HECTD4: variants seen among roughly 807,000 people sequenced by gnomAD.
HECTD4 encodes HECT domain E3 ubiquitin protein ligase 4.
A neutral mutation model predicts 471.5 loss-of-function variants in HECTD4; 114 were observed. That is an observed-to-expected ratio of 0.24 (90% CI 0.21 to 0.28). HECTD4 has a LOEUF of 0.28. HECTD4 is among the 10% of genes least tolerant of loss of function. HECTD4 has a pLI of 1.00. For synonymous variants in HECTD4, 2,012 were observed against 2,256.0 expected, an observed-to-expected ratio of 0.89 and a Z score of 3.07; for missense variants, 3,866 against 5,651.5, an observed-to-expected ratio of 0.68 and a Z score of 10.13.
In HECTD4 at chr12:112,264,190, T is replaced by C. The variant is rs763445802; in HGVS notation, c.2642A>G (p.Tyr881Cys). 1.5e-5 allele frequency: 24 copies of C among 1,602,554 alleles called. No individual in the cohort carries two copies. Among genetic ancestry groups the C allele is most frequent in the Non-Finnish European group, 2.0e-5 (24 of 1,174,254 alleles). Residue 881 changes from tyrosine to cysteine, a missense_variant, in exon 17 of 76, where the codon TAT becomes TGT. Physicochemically the swap from Tyr to Cys is radical, Grantham distance 194. This residue lies in a region of HECTD4 where 525 missense variants were observed against 672.6 expected (regional missense o/e 0.78). Coordinates refer to ENST00000682272, the MANE Select transcript of HECTD4 (RefSeq NM_001388303.1). ...TVPAASSCLR[Y>C]LMAVQNHLLS... ...AAGGTGATTCTGAACTGCCATCAGA[T>C]AGCGCAGGCAGGAGGATGCAGCCTT... is the stretch of plus-strand genomic sequence containing the variant.
Position 112,163,554 on chromosome 12 carries a change from G to T in HECTD4, c.12885C>A (p.Leu4295=). 1 of 1,472,540 alleles carries T rather than the reference G, an allele frequency of 6.8e-7. No individual in the cohort carries two copies. The highest frequency in any genetic ancestry group is 9.0e-7 in the Non-Finnish European group (1 of 1,109,416). The allele number at this position is 1,472,540 out of a possible 1,614,324, so 91.2% of individuals were successfully genotyped here. Residue 4295 remains leucine, a synonymous_variant, in exon 74 of 76, where the codon CTC becomes CTA. Transcript: ENST00000682272. The surrounding 1 kb of genome is among the most constrained non-coding windows in gnomAD (Gnocchi z 8.2). ...CTGGGATGTCTACCTTGAGGAACTC[G>T]AGGTTGATGTAGGGGAGGCCGCAGG... ...LRTCGLPYIN[L]EFLKAHTMYQ... is the part of the protein sequence containing the mutation.
At chr12:112,177,681 A>G (rs1388468655) in intron 64 of HECTD4, among the ~76,000 whole-genome samples, 2 of 152,202 alleles carry the variant, frequency 1.3e-5, no homozygotes, top group Non-Finnish European at 1.5e-5. Flanking sequence ...CGCCCGGCCT[A>G]TGAGGCTATT....
At chr12:112,306,614 G>T (rs955503842) in intron 6 of HECTD4, among the ~76,000 whole-genome samples, 12 of 152,080 alleles carry the variant, frequency 7.9e-5, no homozygotes, top group Non-Finnish European at 1.8e-4. Flanking sequence ...TTTAGTAAAT[G>T]AATTTATGAT....
chr12:112,237,545 C>G (rs1016690004), intron 34 of HECTD4, among the ~76,000 whole-genome samples: 7 of 151,928 alleles, frequency 4.6e-5, no homozygotes, highest in Admixed American at 3.9e-4. Flanking sequence ...TCTTTTAGAT[C>G]GCTGAGTCTA....
At chr12:112,349,106 A>C (rs960512357) in intron 1 of HECTD4, among the ~76,000 whole-genome samples, 2 of 152,172 alleles carry the variant, frequency 1.3e-5, no homozygotes, top group African/African-American at 4.8e-5. Flanking sequence ...TATTATGCAT[A>C]AAGAGGCCAG....
chr12:112,183,085 T>C lies in HECTD4; in HGVS notation c.10961A>G (p.Asp3654Gly), dbSNP rs771738695. The change falls in exon 62 of 76, where the codon GAT becomes GGT. Residue 3654 changes from aspartate (D) to glycine (G), a missense_variant. Asp to Gly is a moderately conservative substitution (Grantham distance 94). Around this residue, in one of 16 missense-constraint regions of HECTD4, gnomAD observed 715 missense variants for 1,087.6 expected, o/e 0.66. Coordinates refer to ENST00000682272, the MANE Select transcript of HECTD4 (RefSeq NM_001388303.1). ...TTTAATTGACTTATCATTGAAATAATCTTCTAACCCTGGGCTCCCTTGAGT... is the reference window on the plus strand; with the variant it reads ...TTTAATTGACTTATCATTGAAATAACCTTCTAACCCTGGGCTCCCTTGAGT... ...FDTQGSPGLE[D>G]YFNDKSIKGE... 2 of 1,613,374 alleles carry C rather than the reference T, an allele frequency of 1.2e-6. No homozygotes were observed. The highest frequency in any genetic ancestry group is 1.7e-6 in the Non-Finnish European group (2 of 1,179,402).
At chr12:112,244,866 T>C (rs753010236) in intron 29 of HECTD4, among the ~76,000 whole-genome samples, 21 of 152,132 alleles carry the variant, frequency 1.4e-4, no homozygotes, top group Non-Finnish European at 2.8e-4. Flanking sequence ...TCCTTAACCC[T>C]ATCCAGGGAA....
Position 112,217,209 on chromosome 12 carries a change from A to T in HECTD4, c.7075-14T>A. On this transcript the variant is annotated splice_polypyrimidine_tract_variant and intron_variant, in intron 45 of 75. Coordinates refer to ENST00000682272, the MANE Select transcript of HECTD4 (RefSeq NM_001388303.1). The stretch of plus-strand genomic sequence containing the variant: ...AATCTCTTTGGGCTGCATCAGGGAG[A>T]AAAACCCATATTCAGTAGAACTGCA... 6.7e-7 allele frequency: 1 copy of T among 1,494,356 alleles called. No individual in the cohort carries two copies. Among genetic ancestry groups the T allele is most frequent in the Non-Finnish European group, 8.9e-7 (1 of 1,121,564 alleles). 92.6% of individuals were successfully genotyped at this position (1,494,356 alleles called of 1,614,324 possible).
At position 112,179,714 on chromosome 12, in the gene HECTD4, C is replaced by T. The variant is rs1031945075; in HGVS notation, c.10988-317G>A. On this transcript the variant is annotated intron_variant, in intron 62 of 75. Coordinates refer to ENST00000682272, the MANE Select transcript of HECTD4 (RefSeq NM_001388303.1). This position sits in a 1 kb window ranked among gnomAD's most constrained non-coding sequence, Gnocchi z 4.3. ...AGGCCCCTCCCCGAGGGTGGGCACA[C>T]CTCAGTGCTCACCCTCACTCTTATA... 1.8e-4 allele frequency among the ~76,000 whole-genome samples: 28 copies of T among 152,314 alleles called. No homozygotes were observed. Among genetic ancestry groups the T allele is most frequent in the African/African-American group, 6.5e-4 (27 of 41,572 alleles).
chr12:112,195,574 A>T (rs2032216045), intron 55 of HECTD4, among the ~76,000 whole-genome samples: 1 of 152,208 alleles, frequency 6.6e-6, no homozygotes, highest in South Asian at 2.1e-4. Flanking sequence ...AACAGAAAAT[A>T]GATTGGTGGT....
At chr12:112,326,193 ATAT>A (rs1312006459) in intron 1 of HECTD4, among the ~76,000 whole-genome samples, 1 of 152,180 alleles carries the variant, frequency 6.6e-6, no homozygotes, top group Non-Finnish European at 1.5e-5. Flanking sequence ...CAAGACTACA[ATAT>A]CTGATAGAAG....
At chr12:112,247,939 G>C (rs2033796198) in intron 27 of HECTD4, 128 bp downstream of exon 27, 2 of 610,188 alleles carry the variant, frequency 3.3e-6, no homozygotes, top group Non-Finnish European at 5.5e-6. Flanking sequence ...GTACATTTTT[G>C]GAGTGTGCAA....
Position 112,203,653 on chromosome 12 carries a change from C to T in HECTD4, c.8389G>A (p.Val2797Ile), listed in dbSNP as rs774896208. The change falls in exon 54 of 76, where the codon GTC becomes ATC. Residue 2797 changes from valine (V) to isoleucine (I), a missense_variant. Coordinates refer to ENST00000682272, the MANE Select transcript of HECTD4 (RefSeq NM_001388303.1). Reference protein sequence around the residue: ...MLKTFGLHGVVLDVDSVNELV... With the variant: ...MLKTFGLHGVILDVDSVNELV... ...TCACTCACTGAATCAACATCTAAGA[C>T]GACTCCATGAAGCCCAAAGGTTTTC... 4.3e-6 allele frequency: 7 copies of T among 1,613,190 alleles called. No individual in the cohort carries two copies. The highest frequency in any genetic ancestry group is 4.5e-5 in the East Asian group (2 of 44,862).
intron 35 of HECTD4, among the ~76,000 whole-genome samples, chr12:112,236,278 C>A (rs1216579925): frequency 6.6e-6 from 1 of 152,140 alleles, no homozygotes; most frequent in Non-Finnish European, 1.5e-5. Flanking sequence ...AGGGGAGAAG[C>A]ATTCTATAAT....
chr12:112,285,004 G>C (rs2034721402), intron 7 of HECTD4, among the ~76,000 whole-genome samples: 1 of 151,924 alleles, frequency 6.6e-6, no homozygotes, highest in African/African-American at 2.4e-5. Context: ...GCTAATTTTT[G>C]TATTAATATT....
intron 1 of HECTD4, among the ~76,000 whole-genome samples, chr12:112,359,322 C>T (rs531549504): frequency 4.0e-5 from 6 of 150,486 alleles, no homozygotes; most frequent in South Asian, 4.2e-4. Flanking sequence ...ATAATATAAA[C>T]GAACAAAAAA....
chr12:112,340,569 T>C (rs2036037466), intron 1 of HECTD4, among the ~76,000 whole-genome samples: 1 of 152,170 alleles, frequency 6.6e-6, no homozygotes, highest in Non-Finnish European at 1.5e-5. Flanking sequence ...CCAGGGATGC[T>C]GCTTACATCC....
chr12:112,339,966 T>C (rs1247423433), intron 1 of HECTD4, among the ~76,000 whole-genome samples: 3 of 151,928 alleles, frequency 2.0e-5, no homozygotes, highest in African/African-American at 7.3e-5. Context: ...GGAGAATCGT[T>C]TGAACCCGGG....
At chr12:112,168,803 G>C (rs1241073555) in intron 70 of HECTD4, among the ~76,000 whole-genome samples, 1 of 152,192 alleles carries the variant, frequency 6.6e-6, no homozygotes, top group Non-Finnish European at 1.5e-5. Flanking sequence ...GGGCAGGTTC[G>C]CTGCTGTGGG....
Sources: gnomAD v4.1 joint callset for allele counts (sites outside exome capture counted in the v4.1 genomes callset) on GRCh38, gnomAD v4.1.1 for gene constraint, gnomAD v4.1.1 regional missense constraint, Gnocchi (gnomAD v3.1) non-coding constraint, MANE v1.5 for transcripts, NCBI Gene and HGNC (gene_info 2026-07-23, HGNC 2026-07-21) for gene names.